The following IGF1 variants were observed in gnomAD, a reference collection of about 807,000 sequenced individuals.
IGF1 encodes the protein insulin like growth factor 1.
A neutral mutation model predicts 13.8 loss-of-function variants in IGF1; 4 were observed. That is an observed-to-expected ratio of 0.29 (90% confidence interval 0.14 to 0.66). IGF1 has a LOEUF of 0.66. Ranked by LOEUF, IGF1 falls within the 30% of genes least tolerant of loss-of-function variation. The pLI, the probability that IGF1 is intolerant of heterozygous loss-of-function variation, is 0.78. For missense variants in IGF1, 124 were observed against 188.5 expected (o/e 0.66, Z 2.00); for synonymous variants, 76 against 72.6 (o/e 1.05, Z -0.23).
At chr12:102,455,037 G>A (rs1255123645) in intron 2 of IGF1, among the ~76,000 whole-genome samples, 1 of 152,198 alleles carries the variant, frequency 6.6e-6, no homozygotes, top group Admixed American at 6.5e-5. Context: ...GGGAAGAAGG[G>A]AGGACATGGC....
At chr12:102,477,025 T>A (rs1458910088) in intron 1 of IGF1, among the ~76,000 whole-genome samples, 1 of 152,180 alleles carries the variant, frequency 6.6e-6, no homozygotes, top group Non-Finnish European at 1.5e-5. Context: ...TGAGGGGCGC[T>A]ATTAAAAGGG....
intron 2 of IGF1, among the ~76,000 whole-genome samples, chr12:102,435,261 A>T (rs1227387511): frequency 6.6e-6 from 1 of 152,206 alleles, no homozygotes; most frequent in East Asian, 1.9e-4. Context: ...AGAGGCACAT[A>T]CTCACCTCAC....
chr12:102,450,634 C>T (rs999792290), intron 2 of IGF1, among the ~76,000 whole-genome samples: 3 of 152,248 alleles, frequency 2.0e-5, no homozygotes, highest in Non-Finnish European at 4.4e-5. Context: ...AATACAGATA[C>T]AGGGCACATT....
intron 1 of IGF1, among the ~76,000 whole-genome samples, chr12:102,477,139 A>G (rs1453212575): frequency 6.6e-6 from 1 of 152,028 alleles, no homozygotes; most frequent in Admixed American, 6.5e-5. Context: ...AGAAACAGTC[A>G]TTTATTTTCT....
chr12:102,459,837 T>C (rs1185545450), intron 2 of IGF1, among the ~76,000 whole-genome samples: 1 of 152,186 alleles, frequency 6.6e-6, no homozygotes, highest in African/African-American at 2.4e-5. Context: ...AAAGATGAGG[T>C]TTGTGTCTTA....
intron 2 of IGF1, among the ~76,000 whole-genome samples, chr12:102,430,430 G>A (rs113491748): frequency 2.1e-4 from 32 of 152,242 alleles, no homozygotes; most frequent in African/African-American, 7.5e-4. Context: ...GTAACCTTTA[G>A]GCTGACGAAT....
chr12:102,444,248 C>CT (rs61609111), intron 2 of IGF1, among the ~76,000 whole-genome samples: 102 of 145,394 alleles, frequency 7.0e-4, no homozygotes, highest in East Asian at 2.2e-3. Context: ...ACCCAATTTC[C>CT]TTTTTTTTTT....
chr12:102,422,271 G>A (rs554379927), intron 2 of IGF1, among the ~76,000 whole-genome samples: 1 of 152,150 alleles, frequency 6.6e-6, no homozygotes, highest in South Asian at 2.1e-4. Flanking sequence ...TACAGACTTC[G>A]ATTTTGCCAT....
chr12:102,468,352 G>A (rs938333830), intron 2 of IGF1, among the ~76,000 whole-genome samples: 2 of 152,226 alleles, frequency 1.3e-5, no homozygotes, highest in Non-Finnish European at 2.9e-5. Flanking sequence ...CTGGCCAGTT[G>A]CAGAAAGCAA....
intron 2 of IGF1, among the ~76,000 whole-genome samples, chr12:102,441,927 T>TCTTCTTCTCCTTCTCCTTCTC (rs1877817884): frequency 7.8e-6 from 1 of 127,744 alleles, no homozygotes; most frequent in African/African-American, 2.9e-5. Context: ...TTCTTCTTCT[T>TCTTCTTCTCCTTCTCCTTCTC]CTTCTTCTTC....
Position 102,400,565 on chromosome 12 carries a change from G to A in IGF1, c.*1942C>T, listed in dbSNP as rs1437658655. ...TATTTTAACAAACTTTTAAAAAAAT[G>A]TATATACAGCTAAGAATAAGAGTAA... On this transcript the variant is annotated 3_prime_UTR_variant, in exon 4 of 4. Coordinates refer to ENST00000337514, the MANE Select transcript of IGF1 (RefSeq NM_000618.5). 3.9e-5 allele frequency: 6 copies of A among 152,144 alleles called. No homozygotes were observed. In the South Asian group the frequency reaches 1.2e-3, roughly 31 times the overall value. 9.4% of individuals were successfully genotyped at this position (152,144 alleles called of 1,614,324 possible).
intron 3 of IGF1, among the ~76,000 whole-genome samples, chr12:102,414,057 G>C (rs1305273217): frequency 6.6e-6 from 1 of 152,152 alleles, no homozygotes; most frequent in Non-Finnish European, 1.5e-5. Flanking sequence ...TTTTCACATA[G>C]CTCCAATTTT....
Position 102,396,899 on chromosome 12 carries a change from A to G in IGF1, c.*5608T>C, listed in dbSNP as rs1033619368. The G allele has an allele frequency of 1.5e-5, 6 of 398,320 alleles. No homozygotes were observed. Among genetic ancestry groups the G allele is most frequent in the Non-Finnish European group, 2.7e-5 (6 of 226,008 alleles). The allele number at this position is 398,320 out of a possible 1,614,324, so 24.7% of individuals were successfully genotyped here. ...GATCATGTTTAAGATCCATGTAATC[A>G]TACATTAAGAGGGAACACATGGGCA... On this transcript the variant is annotated 3_prime_UTR_variant, in exon 4 of 4. Transcript: ENST00000337514.
chr12:102,430,989 A>G (rs947273792), intron 2 of IGF1, among the ~76,000 whole-genome samples: 8 of 152,142 alleles, frequency 5.3e-5, no homozygotes, highest in Admixed American at 5.2e-4. Context: ...TGATGTCTTA[A>G]TACTCTCTTT....
chr12:102,471,055 G>T (rs1880655993), intron 2 of IGF1, among the ~76,000 whole-genome samples: 1 of 152,138 alleles, frequency 6.6e-6, no homozygotes, highest in South Asian at 2.1e-4. Context: ...GCATGTATTT[G>T]GTCATATCTA....
upstream of IGF1, chr12:102,481,832 T>C (rs1566013724): frequency 6.6e-6 from 1 of 151,826 alleles, no homozygotes; most frequent in Non-Finnish European, 1.5e-5. Context: ...GAAAACACAG[T>C]TCTGCTTGAA....
chr12:102,464,792 T>G (rs1351701861), intron 2 of IGF1, among the ~76,000 whole-genome samples: 2 of 152,214 alleles, frequency 1.3e-5, no homozygotes, highest in Admixed American at 1.3e-4. Context: ...ACAGTTTGGA[T>G]GTACAACTTG....
At chr12:102,456,582 G>C (rs1314667999) in intron 2 of IGF1, among the ~76,000 whole-genome samples, 1 of 152,020 alleles carries the variant, frequency 6.6e-6, no homozygotes, top group East Asian at 1.9e-4. Flanking sequence ...ATGCTTCTCT[G>C]TGGGAGATCT....
chr12:102,398,523 C>G lies in IGF1; in HGVS notation c.*3984G>C, dbSNP rs2136929217. ...CGCGTTTATTCTCCATGCTCTTGAT[C>G]AAGTTCAGAAGATTGGATAATATAT... On this transcript the variant is annotated 3_prime_UTR_variant, in exon 4 of 4. Coordinates refer to ENST00000337514, the MANE Select transcript of IGF1 (RefSeq NM_000618.5). The G allele has an allele frequency of 6.6e-6, 1 of 152,252 alleles. No individual in the cohort carries two copies. The highest frequency in any genetic ancestry group is 6.5e-5 in the Admixed American group (1 of 15,290). The allele number at this position is 152,252 out of a possible 1,614,324, so 9.4% of individuals were successfully genotyped here.
Sources: gnomAD v4.1 joint callset for allele counts (sites outside exome capture counted in the v4.1 genomes callset) on GRCh38, gnomAD v4.1.1 for gene constraint, MANE v1.5 for transcripts, NCBI Gene and HGNC (gene_info 2026-07-23, HGNC 2026-07-21) for gene names.